BTBD8: variants seen among roughly 807,000 people sequenced by gnomAD.
BTBD8 encodes the protein BTB domain containing 8, also known as BTB/POZ domain-containing protein 8.
BTBD8 carries 110 observed loss-of-function variants against 162.9 expected under a neutral mutation model. The observed-to-expected ratio is 0.68, with a 90% CI of 0.58 to 0.79. The LOEUF (loss-of-function observed/expected upper bound fraction) is 0.79. Ranked by LOEUF, BTBD8 falls within the 30% of genes least tolerant of loss-of-function variation. The pLI, the probability that BTBD8 is intolerant of heterozygous loss-of-function variation, is 0.00. For synonymous variants in BTBD8, 667 were observed against 716.1 expected, an observed-to-expected ratio of 0.93 and a Z score of 1.10; for missense variants, 1,905 against 2,085.4, an observed-to-expected ratio of 0.91 and a Z score of 1.68.
chr1:92,103,505 T>C (rs1648651579), intron 3 of BTBD8, among the ~76,000 whole-genome samples: 1 of 152,178 alleles, frequency 6.6e-6, no homozygotes, highest in Non-Finnish European at 1.5e-5. Flanking sequence ...CAGAGCATCT[T>C]AGTGCCAGTT....
At chr1:92,128,403 C>G (rs368850162) in intron 4 of BTBD8, among the ~76,000 whole-genome samples, 1 of 152,072 alleles carries the variant, frequency 6.6e-6, no homozygotes, top group African/African-American at 2.4e-5. Flanking sequence ...CTTAGTCTCC[C>G]GAGTAGCTGG....
chr1:92,125,522 T>C, intron 4 of BTBD8: 1 of 311,062 alleles, frequency 3.2e-6, no homozygotes. Context: ...AGCAGGCACT[T>C]GTACAGAATT....
At position 92,181,529 on chromosome 1, in the gene BTBD8, C is replaced by G; in HGVS notation, c.3846C>G (p.Asp1282Glu). ...CTCAGGATGATGATGGGTCAAATGA[C>G]AGAGGTATCTCTAAATGTGGCACTA... ...GGSQDDDGSN[D>E]RGISKCGTML... is the part of the protein sequence containing the mutation. Residue 1282 changes from aspartate to glutamate, a missense_variant, in exon 17 of 18, where the codon GAC (aspartate) becomes GAG (glutamate). Coordinates refer to ENST00000636805, the MANE Select transcript of BTBD8 (RefSeq NM_001376131.1). 1 of 1,551,686 alleles carries G rather than the reference C, an allele frequency of 6.4e-7. No homozygotes were observed. The highest frequency in any genetic ancestry group is 8.7e-7 in the Non-Finnish European group (1 of 1,146,954).
rs188961926 is a variant in BTBD8, at chr1:92,163,272, G to A, written c.1123-3686G>A. ...TGGGAGGCTGAGGCAGGAGAATGGC[G>A]TGAACCCGGGAGGCGGAGCTTGCAG... is the stretch of plus-strand genomic sequence containing the variant. On this transcript the variant is annotated intron_variant, in intron 9 of 17. Coordinates refer to ENST00000636805, the MANE Select transcript of BTBD8 (RefSeq NM_001376131.1). Among the ~76,000 whole-genome samples, 15 of 135,762 alleles carry A rather than the reference G, an allele frequency of 1.1e-4. No individual in the cohort carries two copies. In the East Asian group the frequency reaches 1.7e-3, roughly 16 times the overall value. 89.1% of individuals were successfully genotyped at this position (135,762 alleles called of 152,430 possible).
At chr1:92,175,647 T>A (rs1019808676) in intron 13 of BTBD8, among the ~76,000 whole-genome samples, 1 of 151,292 alleles carries the variant, frequency 6.6e-6, no homozygotes, top group Non-Finnish European at 1.5e-5. Context: ...TACAAAAAAA[T>A]TAGCCAAGTG....
At chr1:92,081,843 G>A (rs1648026098) in intron 1 of BTBD8, among the ~76,000 whole-genome samples, 1 of 152,156 alleles carries the variant, frequency 6.6e-6, no homozygotes, top group Admixed American at 6.5e-5. Context: ...CAAAATGCTG[G>A]GATTACAGGC....
chr1:92,109,236 C>G (rs1214364082), intron 4 of BTBD8, among the ~76,000 whole-genome samples: 1 of 149,688 alleles, frequency 6.7e-6, no homozygotes, highest in Non-Finnish European at 1.5e-5. Context: ...AGGTGTGTGT[C>G]TCTCTGTCTT....
chr1:92,082,781 T>C (rs1266278069), intron 1 of BTBD8, among the ~76,000 whole-genome samples: 1 of 151,198 alleles, frequency 6.6e-6, no homozygotes, highest in East Asian at 1.9e-4. Context: ...GGAAAGTTGT[T>C]TGGGATATGG....
chr1:92,120,274 C>T (rs2093879), intron 4 of BTBD8, among the ~76,000 whole-genome samples: 1 of 151,904 alleles, frequency 6.6e-6, no homozygotes, highest in Admixed American at 6.6e-5. Context: ...ACATTACTTA[C>T]TAGGCCTACA....
At position 92,114,094 on chromosome 1, in the gene BTBD8, T is replaced by C. The variant is rs114605880; in HGVS notation, c.662+6093T>C. 8.9e-3 allele frequency among the ~76,000 whole-genome samples: 1,348 copies of C among 151,790 alleles called. 8 individuals are homozygous for C. Among genetic ancestry groups the C allele is most frequent in the Non-Finnish European group, 0.015 (1,015 of 67,976 alleles). On this transcript the variant is annotated intron_variant, in intron 4 of 17. Transcript: ENST00000636805. The stretch of plus-strand genomic sequence containing the variant: ...AATCATGACATGCTATGTATTCATA[T>C]ACCTTTACCACTAGGCATAGTCAGA...
chr1:92,167,187 C>A (rs994344803), intron 10 of BTBD8, 47 bp downstream of exon 10: 2 of 1,536,362 alleles, frequency 1.3e-6, no homozygotes, highest in African/African-American at 2.8e-5. Flanking sequence ...TCTTTGTGTT[C>A]TGATTTCAAT....
At chr1:92,165,037 C>G (rs1650354754) in intron 9 of BTBD8, among the ~76,000 whole-genome samples, 1 of 150,864 alleles carries the variant, frequency 6.6e-6, no homozygotes, top group South Asian at 2.1e-4. Flanking sequence ...AGGAGAATCA[C>G]TTGATCTCAG....
rs200745257 is a variant in BTBD8 at position 92,129,673 on chromosome 1, C to T, written c.663-14C>T. 22 of 1,601,260 alleles carry T rather than the reference C, an allele frequency of 1.4e-5. No homozygotes were observed. Among genetic ancestry groups the T allele is most frequent in the Non-Finnish European group, 1.7e-5 (20 of 1,168,382 alleles). ...TAAATGTTTACCTGTGTTTCTCCCC[C>T]CTCTTCCCTTTAGGGCCATTTTGAG... On this transcript the variant is annotated splice_polypyrimidine_tract_variant and intron_variant, in intron 4 of 17. Transcript: ENST00000636805.
chr1:92,104,686 G>A (rs1204750334), intron 3 of BTBD8, among the ~76,000 whole-genome samples: 2 of 152,170 alleles, frequency 1.3e-5, no homozygotes, highest in Non-Finnish European at 1.5e-5. Context: ...CCAGTTGCCA[G>A]CTTAACAGAC....
intron 14 of BTBD8, 114 bp from the exon 15 acceptor site, chr1:92,177,697 A>G (rs1051053213): frequency 1.2e-6 from 1 of 829,788 alleles, no homozygotes; most frequent in Non-Finnish European, 1.9e-6. Flanking sequence ...AGAAAATGGT[A>G]GTCCTTCCCA....
chr1:92,179,995 CTG>C (rs929310310), intron 16 of BTBD8, among the ~76,000 whole-genome samples: 1 of 152,030 alleles, frequency 6.6e-6, no homozygotes, highest in African/African-American at 2.4e-5. Flanking sequence ...AAAATCAAGT[CTG>C]TTTACTTGAG....
At chr1:92,128,266 G>A (rs963284868) in intron 4 of BTBD8, among the ~76,000 whole-genome samples, 18 of 149,292 alleles carry the variant, frequency 1.2e-4, no homozygotes, top group African/African-American at 3.7e-4. Context: ...ACAGGCACCC[G>A]CCACCACACC....
At chr1:92,117,884 T>C (rs900994241) in intron 4 of BTBD8, among the ~76,000 whole-genome samples, 1 of 152,064 alleles carries the variant, frequency 6.6e-6, no homozygotes, top group African/African-American at 2.4e-5. Context: ...ATCAGAGTCC[T>C]GTACTGCCTT....
chr1:92,097,851 GAGAA>G (rs1648493862), intron 2 of BTBD8, among the ~76,000 whole-genome samples: 1 of 152,180 alleles, frequency 6.6e-6, no homozygotes, highest in South Asian at 2.1e-4. Flanking sequence ...ATTTACTACA[GAGAA>G]AGGAAACGGA....
Sources: gnomAD v4.1 joint callset for allele counts (sites outside exome capture counted in the v4.1 genomes callset) on GRCh38, gnomAD v4.1.1 for gene constraint, MANE v1.5 for transcripts, NCBI Gene and HGNC (gene_info 2026-07-23, HGNC 2026-07-21) for gene names.